Variants in THRAP3 observed in about 807,000 individuals in gnomAD.
THRAP3 encodes thyroid hormone receptor-associated protein 3.
A neutral mutation model predicts 101.0 loss-of-function variants in THRAP3; 16 were observed. That is an observed-to-expected ratio of 0.16 (90% CI 0.11 to 0.24). THRAP3 has a LOEUF of 0.24. Ranked by LOEUF, THRAP3 falls within the 10% of genes least tolerant of loss-of-function variation. The probability of loss-of-function intolerance (pLI) is 1.00; values close to 1 mark genes in which losing one functional copy is unlikely to be tolerated. For synonymous variants in THRAP3, 407 were observed against 422.6 expected, an observed-to-expected ratio of 0.96 and a Z score of 0.45; for missense variants, 989 against 1,202.7, an observed-to-expected ratio of 0.82 and a Z score of 2.63.
chr1:36,298,991 G>C (rs1439553558), intron 9 of THRAP3, among the ~76,000 whole-genome samples: 1 of 152,028 alleles, frequency 6.6e-6, no homozygotes, highest in African/African-American at 2.4e-5. Context: ...TTGAGGTTTT[G>C]CCATGTTGCC....
intron 2 of THRAP3, among the ~76,000 whole-genome samples, chr1:36,279,977 A>G (rs1212644329): frequency 6.6e-6 from 1 of 152,180 alleles, no homozygotes; most frequent in African/African-American, 2.4e-5. Context: ...GCAATATAAC[A>G]TAGTGGTTAA....
chr1:36,211,159 A>G, the THRAP3 span, among the ~76,000 whole-genome samples: 3 of 151,794 alleles, frequency 2.0e-5, no homozygotes, highest in Non-Finnish European at 4.4e-5. Flanking sequence ...CAGGGGTTCG[A>G]GACCAGCCTG....
chr1:36,286,803 G>A lies in THRAP3; in HGVS notation c.573G>A (p.Gln191=). The A allele has an allele frequency of 6.2e-7, 1 of 1,614,216 alleles. No homozygotes were observed. Among genetic ancestry groups the A allele is most frequent in the Non-Finnish European group, 8.5e-7 (1 of 1,180,034 alleles). ...CTTCTAAGGATAGCCGGCCATCTCA[G>A]GCTGCCGGGGATAACCAGGGAGATG... ...KSSSKDSRPS[Q]AAGDNQGDEA... The change falls in exon 4 of 12, where the codon CAG becomes CAA. Residue 191 remains glutamine, a synonymous_variant. Transcript: ENST00000354618. This position sits in a 1 kb window ranked among gnomAD's most constrained non-coding sequence, Gnocchi z 5.5.
intron 9 of THRAP3, among the ~76,000 whole-genome samples, chr1:36,297,620 T>C (rs1645969494): frequency 6.6e-6 from 1 of 151,690 alleles, no homozygotes; most frequent in Admixed American, 6.6e-5. Flanking sequence ...AGCTAATTTT[T>C]TGTATTTAGA....
chr1:36,286,392 T>C lies in THRAP3; in HGVS notation c.162T>C (p.Tyr54=). 1.3e-6 allele frequency: 2 copies of C among 1,598,136 alleles called. No individual in the cohort carries two copies. The highest frequency in any genetic ancestry group is 1.7e-6 in the Non-Finnish European group (2 of 1,174,274). ...RLSSRSRSRS[Y]SPAHNRERNH... is the part of the protein sequence containing the mutation. Reference sequence around the variant, plus strand: ...GTTCTAGGTCTCGTTCCAGATCATATTCTCCAGCTCATAACAGAGAAAGAA... The same window carrying C: ...GTTCTAGGTCTCGTTCCAGATCATACTCTCCAGCTCATAACAGAGAAAGAA... Residue 54 remains tyrosine, a synonymous_variant, in exon 4 of 12, where the codon TAT becomes TAC. Coordinates refer to ENST00000354618, the MANE Select transcript of THRAP3 (RefSeq NM_005119.4). The surrounding 1 kb of genome is among the most constrained non-coding windows in gnomAD (Gnocchi z 5.5).
the THRAP3 span, among the ~76,000 whole-genome samples, chr1:36,211,274 T>C: frequency 1.3e-5 from 2 of 151,840 alleles, no homozygotes; most frequent in African/African-American, 4.8e-5. Context: ...GGTGGGAAGA[T>C]TGCTTGAACC....
chr1:36,292,256 CTTTGTTTCTTTT>C (rs1340944167), intron 6 of THRAP3, among the ~76,000 whole-genome samples: 77 of 54,548 alleles, frequency 1.4e-3, no homozygotes, highest in East Asian at 6.4e-3. Context: ...TAATGTGTTT[CTTTGTTTCTTTT>C]TTTTTTTTTT....
intron 5 of THRAP3, 61 bp from the exon 6 acceptor site, chr1:36,291,313 G>A: frequency 6.7e-7 from 1 of 1,496,472 alleles, no homozygotes; most frequent in Non-Finnish European, 9.0e-7. Flanking sequence ...GTATTTTTAT[G>A]GTTTTAATGT....
Position 36,290,923 on chromosome 1 carries a change from G to T in THRAP3, c.1746-451G>T, listed in dbSNP as rs570493198. Among the ~76,000 whole-genome samples the T allele has an allele frequency of 5.9e-5, 9 of 152,238 alleles. 1 individual carries two copies. The South Asian group carries it at 1.9e-3, about 32-fold the overall frequency. ...AGCATTCCAGCCACACCCCACTCCC[G>T]CTTCATGACATCACCTCCCTGAATG... is the stretch of plus-strand genomic sequence containing the variant. On this transcript the variant is annotated intron_variant, in intron 5 of 11. Transcript: ENST00000354618.
intron 9 of THRAP3, among the ~76,000 whole-genome samples, chr1:36,299,506 T>C (rs1646004051): frequency 6.6e-6 from 1 of 151,674 alleles, no homozygotes; most frequent in Admixed American, 6.6e-5. Flanking sequence ...TTTTTTTGTT[T>C]TGTTTTGTTT....
intron 1 of THRAP3, among the ~76,000 whole-genome samples, chr1:36,229,237 AC>A (rs1206646365): frequency 6.6e-6 from 1 of 151,902 alleles, no homozygotes; most frequent in Non-Finnish European, 1.5e-5. Context: ...AGCTTGGACT[AC>A]AGGTGCCCGC....
chr1:36,256,864 C>T lies in THRAP3; in HGVS notation c.-134-2518C>T, dbSNP rs187185086. ...AGGCTGGAGTGCAGTGGTGCGATCT[C>T]GGCTCACCACAACCTCTGCCTCCCA... On this transcript the variant is annotated intron_variant, in intron 1 of 11. Coordinates refer to ENST00000354618, the MANE Select transcript of THRAP3 (RefSeq NM_005119.4). Among the ~76,000 whole-genome samples, 100 of 151,824 alleles carry T rather than the reference C, an allele frequency of 6.6e-4. 3 individuals carry two copies. In the East Asian group the frequency reaches 0.016, roughly 24 times the overall value.
intron 9 of THRAP3, among the ~76,000 whole-genome samples, chr1:36,298,269 C>T (rs1281462207): frequency 6.6e-6 from 1 of 151,940 alleles, no homozygotes; most frequent in Non-Finnish European, 1.5e-5. Flanking sequence ...CTTTTGGGGC[C>T]GCCCATAGAT....
At chr1:36,222,803 T>G (rs1274119875), upstream of THRAP3, among the ~76,000 whole-genome samples, 1 of 152,228 alleles carries the variant, frequency 6.6e-6, no homozygotes. Flanking sequence ...CTGGGCATTG[T>G]ATACAGTAGA....
chr1:36,255,766 C>G (rs1411035275), intron 1 of THRAP3, among the ~76,000 whole-genome samples: 4 of 113,350 alleles, frequency 3.5e-5, no homozygotes, highest in Non-Finnish European at 7.1e-5. Flanking sequence ...GAGTGAGACT[C>G]TGTCTCAAAA....
intron 2 of THRAP3, among the ~76,000 whole-genome samples, chr1:36,276,051 C>T (rs964177190): frequency 2.6e-5 from 4 of 152,046 alleles, no homozygotes; most frequent in African/African-American, 4.8e-5. Flanking sequence ...TGACAACATT[C>T]ATAAAAATTA....
chr1:36,292,067 C>G (rs1645875284), intron 6 of THRAP3, among the ~76,000 whole-genome samples: 1 of 151,882 alleles, frequency 6.6e-6, no homozygotes, highest in South Asian at 2.1e-4. Context: ...GTTTCTCTGT[C>G]CTAAGACATG....
At chr1:36,221,276 G>A (rs1644901805), upstream of THRAP3, among the ~76,000 whole-genome samples, 1 of 150,930 alleles carries the variant, frequency 6.6e-6, no homozygotes, top group Non-Finnish European at 1.5e-5. Flanking sequence ...TAAGACACCA[G>A]CAGTATGTGA....
intron 2 of THRAP3, among the ~76,000 whole-genome samples, chr1:36,268,927 T>C (rs1645551809): frequency 6.6e-6 from 1 of 152,282 alleles, no homozygotes; most frequent in African/African-American, 2.4e-5. Flanking sequence ...GGTTTCACCA[T>C]GTTGGCCAGG....
Sources: allele counts gnomAD v4.1 joint callset (sites outside exome capture counted in the v4.1 genomes callset), GRCh38; gene constraint gnomAD v4.1.1; non-coding constraint Gnocchi (gnomAD v3.1); transcripts MANE v1.5; gene names NCBI Gene and HGNC (gene_info 2026-07-23, HGNC 2026-07-21).